The following GTF2F2 variants were observed in gnomAD, a reference collection of about 807,000 sequenced individuals.
GTF2F2 encodes the protein ATP-dependent helicase GTF2F2.
In GTF2F2, 23 loss-of-function variants were observed where a neutral mutation model predicts 42.2. The observed-to-expected ratio is 0.55, with a 90% CI of 0.39 to 0.77. The LOEUF (loss-of-function observed/expected upper bound fraction) is 0.77. Among genes scored for constraint, GTF2F2 ranks in the 30% least tolerant of loss-of-function variants. The pLI, the probability that GTF2F2 is intolerant of heterozygous loss-of-function variation, is 0.00. For synonymous variants in GTF2F2, 105 were observed against 100.8 expected (o/e 1.04, Z -0.25); for missense variants, 261 against 287.2 (o/e 0.91, Z 0.66).
At chr13:45,182,837 G>A (rs1291330672) in intron 4 of GTF2F2, among the ~76,000 whole-genome samples, 2 of 152,078 alleles carry the variant, frequency 1.3e-5, no homozygotes, top group Non-Finnish European at 2.9e-5. Flanking sequence ...TCCCTCACGT[G>A]CCAGTCCCCC....
At chr13:45,173,852 C>T (rs908774371) in intron 4 of GTF2F2, among the ~76,000 whole-genome samples, 3 of 151,974 alleles carry the variant, frequency 2.0e-5, no homozygotes, top group African/African-American at 7.2e-5. Flanking sequence ...CTCCTGACCT[C>T]GTGATCCACC....
At chr13:45,213,450 T>TA (rs1368386465) in intron 5 of GTF2F2, among the ~76,000 whole-genome samples, 1 of 152,158 alleles carries the variant, frequency 6.6e-6, no homozygotes, top group Non-Finnish European at 1.5e-5. Context: ...CAGCATCACT[T>TA]ACTCAGGAAA....
At chr13:45,157,813 G>A (rs1027336621) in intron 4 of GTF2F2, among the ~76,000 whole-genome samples, 2 of 151,740 alleles carry the variant, frequency 1.3e-5, no homozygotes, top group East Asian at 1.9e-4. Context: ...GAACTCCTGC[G>A]TGCAAAGCTG....
At chr13:45,280,640 T>G (rs982591103) in intron 7 of GTF2F2, among the ~76,000 whole-genome samples, 7 of 152,188 alleles carry the variant, frequency 4.6e-5, no homozygotes, top group Non-Finnish European at 1.0e-4. Context: ...GAATGACACC[T>G]TCGTTTATAA....
intron 4 of GTF2F2, among the ~76,000 whole-genome samples, chr13:45,168,779 G>GCTTCCTTCCTTCCTTCCTTC (rs368098791): frequency 2.4e-5 from 3 of 125,532 alleles, no homozygotes; most frequent in African/African-American, 3.0e-5. Context: ...CACCTGGCTG[G>GCTTCCTTCCTTCCTTCCTTC]CTTCCTTCCT....
chr13:45,154,422 G>C (rs1271429585), intron 4 of GTF2F2, among the ~76,000 whole-genome samples: 1 of 152,174 alleles, frequency 6.6e-6, no homozygotes, highest in Non-Finnish European at 1.5e-5. Flanking sequence ...AGGGAATGTG[G>C]TTTTATAAGG....
intron 2 of GTF2F2, among the ~76,000 whole-genome samples, chr13:45,139,090 T>G (rs1158600809): frequency 1.3e-5 from 2 of 152,198 alleles, no homozygotes; most frequent in Non-Finnish European, 2.9e-5. Context: ...CTATGACTGT[T>G]ATCCACTACT....
At chr13:45,133,281 A>C (rs957280814) in intron 1 of GTF2F2, among the ~76,000 whole-genome samples, 1 of 152,084 alleles carries the variant, frequency 6.6e-6, no homozygotes, top group Admixed American at 6.6e-5. Context: ...AATTGTTGGG[A>C]GTCAAAGTGA....
intron 4 of GTF2F2, among the ~76,000 whole-genome samples, chr13:45,188,649 T>A (rs551619795): frequency 4.6e-5 from 7 of 152,180 alleles, no homozygotes; most frequent in Non-Finnish European, 1.0e-4. Flanking sequence ...ACTGTGAGGA[T>A]GTTGAAATTT....
intron 6 of GTF2F2, among the ~76,000 whole-genome samples, chr13:45,253,533 T>C (rs752868714): frequency 2.6e-5 from 4 of 152,196 alleles, no homozygotes; most frequent in African/African-American, 9.6e-5. Flanking sequence ...TTTAAAACTT[T>C]ATGCAGTTTC....
intron 6 of GTF2F2, among the ~76,000 whole-genome samples, chr13:45,256,178 G>A (rs1171065699): frequency 2.0e-5 from 3 of 152,054 alleles, no homozygotes; most frequent in African/African-American, 7.2e-5. Flanking sequence ...AATTGTCACA[G>A]TGAGCACGTA....
intron 5 of GTF2F2, among the ~76,000 whole-genome samples, chr13:45,215,745 G>A (rs780289157): frequency 4.0e-5 from 6 of 150,684 alleles, no homozygotes; most frequent in Admixed American, 6.6e-5. Context: ...GTGACAGAGC[G>A]GGACTCTGTC....
chr13:45,212,469 TTC>T (rs1873706737), intron 5 of GTF2F2, among the ~76,000 whole-genome samples: 1 of 80,244 alleles, frequency 1.2e-5, no homozygotes, highest in African/African-American at 5.6e-5. Flanking sequence ...CTTTCTTTCT[TTC>T]TTTCTTTCTT....
intron 5 of GTF2F2, among the ~76,000 whole-genome samples, chr13:45,225,424 C>G (rs544531379): frequency 3.4e-5 from 5 of 149,240 alleles, no homozygotes; most frequent in Non-Finnish European, 7.4e-5. Flanking sequence ...TCTTAAACAC[C>G]CTACCAATAA....
intron 1 of GTF2F2, among the ~76,000 whole-genome samples, chr13:45,126,957 G>T (rs535736146): frequency 9.6e-4 from 146 of 152,278 alleles, no homozygotes; most frequent in African/African-American, 3.3e-3. Context: ...CTGATTTTCA[G>T]TAATGAGTGA....
intron 1 of GTF2F2, among the ~76,000 whole-genome samples, chr13:45,131,133 G>A (rs990825229): frequency 4.6e-5 from 7 of 151,954 alleles, no homozygotes; most frequent in East Asian, 3.9e-4. Flanking sequence ...GCTTGAACCC[G>A]GAAGGCAGAG....
At chr13:45,169,440 C>T (rs893446741) in intron 4 of GTF2F2, among the ~76,000 whole-genome samples, 2 of 152,090 alleles carry the variant, frequency 1.3e-5, no homozygotes, top group African/African-American at 4.8e-5. Flanking sequence ...GACTTCAGCC[C>T]CCAGTACTAT....
chr13:45,215,850 C>T (rs553932361), intron 5 of GTF2F2, among the ~76,000 whole-genome samples: 2 of 152,100 alleles, frequency 1.3e-5, no homozygotes, highest in Non-Finnish European at 2.9e-5. Flanking sequence ...TCTGAAGAGC[C>T]ATAGCAGCTG....
At chr13:45,266,592 C>T (rs1188443745) in intron 6 of GTF2F2, among the ~76,000 whole-genome samples, 1 of 152,160 alleles carries the variant, frequency 6.6e-6, no homozygotes, top group African/African-American at 2.4e-5. Context: ...AAGCACTACA[C>T]GTTAGAGTTT....
Sources: allele counts gnomAD v4.1 joint callset (sites outside exome capture counted in the v4.1 genomes callset), GRCh38; gene constraint gnomAD v4.1.1; transcripts MANE v1.5; gene names NCBI Gene and HGNC (gene_info 2026-07-23, HGNC 2026-07-21).